The following KCNH7 variants were observed in gnomAD, a reference collection of about 807,000 sequenced individuals.
KCNH7 encodes the protein voltage-gated inwardly rectifying potassium channel KCNH7.
KCNH7 carries 49 observed loss-of-function variants against 120.8 expected under a neutral mutation model. The observed-to-expected ratio is 0.41, with a 90% CI of 0.32 to 0.51. KCNH7 has a LOEUF of 0.51. Among genes scored for constraint, KCNH7 ranks in the 20% least tolerant of loss-of-function variants. The probability of loss-of-function intolerance (pLI) is 0.38; values close to 1 mark genes in which losing one functional copy is unlikely to be tolerated. For synonymous variants in KCNH7, 547 were observed against 516.1 expected (o/e 1.06, Z -0.81); for missense variants, 1,097 against 1,446.6 (o/e 0.76, Z 3.92).
At chr2:162,384,172 A>G (rs1407359519) in intron 13 of KCNH7, among the ~76,000 whole-genome samples, 1 of 151,920 alleles carries the variant, frequency 6.6e-6, no homozygotes, top group Non-Finnish European at 1.5e-5. Context: ...TCCTTTTGGA[A>G]ATAAAAATAA....
intron 6 of KCNH7, among the ~76,000 whole-genome samples, chr2:162,482,583 G>A (rs372129990): frequency 2.6e-5 from 4 of 152,150 alleles, no homozygotes; most frequent in African/African-American, 9.7e-5. Flanking sequence ...AATAGCTGTT[G>A]CAAACAATGC....
chr2:162,497,579 G>T (rs1306902442), intron 6 of KCNH7, among the ~76,000 whole-genome samples: 1 of 152,084 alleles, frequency 6.6e-6, no homozygotes, highest in Admixed American at 6.6e-5. Flanking sequence ...GGACAAATGG[G>T]GAAACAGAAC....
At chr2:162,598,640 T>C (rs1210721286) in intron 2 of KCNH7, among the ~76,000 whole-genome samples, 1 of 152,120 alleles carries the variant, frequency 6.6e-6, no homozygotes, top group Non-Finnish European at 1.5e-5. Context: ...TAACCATCAC[T>C]CCTGTATTTA....
chr2:162,398,388 T>C (rs1350023793), intron 10 of KCNH7, among the ~76,000 whole-genome samples: 2 of 151,914 alleles, frequency 1.3e-5, no homozygotes, highest in African/African-American at 4.8e-5. Flanking sequence ...AAAATCGACA[T>C]TAGAAAGGAT....
intron 2 of KCNH7, among the ~76,000 whole-genome samples, chr2:162,774,977 G>A (rs943972362): frequency 4.6e-5 from 7 of 152,082 alleles, no homozygotes; most frequent in Non-Finnish European, 1.5e-5. Context: ...ATTACAAGAT[G>A]TTAATTTGTA....
intron 2 of KCNH7, among the ~76,000 whole-genome samples, chr2:162,760,891 CA>C (rs947499898): frequency 6.6e-6 from 1 of 152,096 alleles, no homozygotes; most frequent in Non-Finnish European, 1.5e-5. Context: ...AAGATCCGCA[CA>C]AGGTATTATT....
chr2:162,527,380 A>G (rs1273813043), intron 3 of KCNH7, among the ~76,000 whole-genome samples: 4 of 151,990 alleles, frequency 2.6e-5, no homozygotes, highest in Non-Finnish European at 5.9e-5. Flanking sequence ...TTCATCTTCA[A>G]AATAAAGAAT....
chr2:162,376,919 T>A (rs1022752141), intron 14 of KCNH7, among the ~76,000 whole-genome samples: 20 of 152,214 alleles, frequency 1.3e-4, no homozygotes, highest in African/African-American at 4.8e-4. Context: ...ATCTATAGGT[T>A]AATCAGTCAT....
At chr2:162,423,144 A>T in intron 9 of KCNH7, 192 bp downstream of exon 9, 1 of 1,179,340 alleles carries the variant, frequency 8.5e-7, no homozygotes, top group South Asian at 1.5e-5. Context: ...TTTGCCACAC[A>T]GTATAACTAG....
intron 2 of KCNH7, among the ~76,000 whole-genome samples, chr2:162,777,103 G>A (rs1402579458): frequency 6.6e-6 from 1 of 152,038 alleles, no homozygotes; most frequent in Non-Finnish European, 1.5e-5. Context: ...TTCCTAAAGG[G>A]TTTCCTGGAA....
At chr2:162,385,863 C>G (rs1430476292) in intron 12 of KCNH7, among the ~76,000 whole-genome samples, 1 of 151,852 alleles carries the variant, frequency 6.6e-6, no homozygotes, top group African/African-American at 2.4e-5. Context: ...GCCAGAGAAA[C>G]TTCCAACTGT....
chr2:162,469,770 T>C (rs927171248), intron 6 of KCNH7, among the ~76,000 whole-genome samples: 1 of 151,030 alleles, frequency 6.6e-6, no homozygotes, highest in Non-Finnish European at 1.5e-5. Context: ...GAAGCTGGAC[T>C]GTGCTGCCGC....
intron 9 of KCNH7, among the ~76,000 whole-genome samples, chr2:162,404,998 A>G (rs1361490695): frequency 6.6e-6 from 1 of 152,068 alleles, no homozygotes; most frequent in Non-Finnish European, 1.5e-5. Context: ...AATACTAATG[A>G]TTGTTCAAAG....
chr2:162,606,221 T>G (rs985816856), intron 2 of KCNH7, among the ~76,000 whole-genome samples: 1 of 152,110 alleles, frequency 6.6e-6, no homozygotes, highest in Non-Finnish European at 1.5e-5. Flanking sequence ...CCAGAATTTT[T>G]GTCTGCTACT....
intron 6 of KCNH7, among the ~76,000 whole-genome samples, chr2:162,465,131 T>TTTG (rs1211847926): frequency 3.3e-5 from 5 of 152,270 alleles, no homozygotes; most frequent in African/African-American, 1.2e-4. Context: ...TCTCTATCAT[T>TTTG]TTGTTGTGGA....
intron 2 of KCNH7, among the ~76,000 whole-genome samples, chr2:162,670,721 T>C (rs1022589624): frequency 4.8e-5 from 7 of 146,270 alleles, no homozygotes; most frequent in Non-Finnish European, 9.1e-5. Context: ...TAGAAAAAAA[T>C]GAAATAAGAC....
At chr2:162,771,580 T>C (rs1284928106) in intron 2 of KCNH7, among the ~76,000 whole-genome samples, 1 of 152,174 alleles carries the variant, frequency 6.6e-6, no homozygotes. Flanking sequence ...TGTTATTTAT[T>C]TAATTTAGAA....
At chr2:162,502,910 A>G (rs1301673765) in intron 6 of KCNH7, among the ~76,000 whole-genome samples, 2 of 152,188 alleles carry the variant, frequency 1.3e-5, no homozygotes, top group East Asian at 3.9e-4. Flanking sequence ...TGTTTTGTTC[A>G]GCCTAAAAAA....
Position 162,517,953 on chromosome 2 carries a change from G to T in KCNH7, c.669C>A (p.Ser223Arg), listed in dbSNP as rs1281313598. The T allele has an allele frequency of 6.2e-7, 1 of 1,612,188 alleles. No individual in the cohort carries two copies. The highest frequency in any genetic ancestry group is 8.5e-7 in the Non-Finnish European group (1 of 1,178,712). Residue 223 changes from serine (S) to arginine (R), a missense_variant, in exon 4 of 16, where the codon AGC (serine) becomes AGA (arginine). Transcript: ENST00000332142. ...ADDTKALIQP[S>R]KCSPLVNISG... ...ATATATTCACCAAGGGAGAACATTT[G>T]CTGGGCTGTATCAAAGCTTTTGTGT...
Sources: gnomAD v4.1 joint callset for allele counts (sites outside exome capture counted in the v4.1 genomes callset) on GRCh38, gnomAD v4.1.1 for gene constraint, MANE v1.5 for transcripts, NCBI Gene and HGNC (gene_info 2026-07-23, HGNC 2026-07-21) for gene names.